CACNA1D: variants seen among roughly 807,000 people sequenced by gnomAD.
CACNA1D encodes calcium voltage-gated channel subunit alpha1 D.
A neutral mutation model predicts 257.1 loss-of-function variants in CACNA1D; 55 were observed. The ratio of observed to expected loss-of-function variants is 0.21; its 90% CI spans 0.17 to 0.27. The LOEUF is 0.27. Ranked by LOEUF, CACNA1D falls within the 10% of genes least tolerant of loss-of-function variation. CACNA1D has a pLI of 1.00. For missense variants in CACNA1D, 1,876 were observed against 2,784.0 expected (o/e 0.67, Z 7.34); for synonymous variants, 980 against 1,014.9 (o/e 0.97, Z 0.65).
intron 3 of CACNA1D, among the ~76,000 whole-genome samples, chr3:53,587,478 G>C (rs1172756597): frequency 6.6e-6 from 1 of 152,122 alleles, no homozygotes; most frequent in Non-Finnish European, 1.5e-5. Context: ...CAGGAGCATG[G>C]ACTCATTTTG....
chr3:53,768,170 G>A (rs973553008), intron 30 of CACNA1D, among the ~76,000 whole-genome samples: 10 of 152,252 alleles, frequency 6.6e-5, no homozygotes, highest in African/African-American at 1.4e-4. Flanking sequence ...AAGCAGAATA[G>A]GGAGAGGCCC....
chr3:53,813,662 A>G lies in CACNA1D; in HGVS notation c.*2256A>G, dbSNP rs1201370922. The G allele has an allele frequency of 1.3e-5, 2 of 152,268 alleles. No individual in the cohort carries two copies. The highest frequency in any genetic ancestry group is 1.9e-4 in the East Asian group (1 of 5,178). The allele number at this position is 152,268 out of a possible 1,614,324, so 9.4% of individuals were successfully genotyped here. A position where few individuals can be genotyped will look rare whatever the true frequency, so the allele number is the denominator to read the frequency against. The stretch of plus-strand genomic sequence containing the variant: ...AACTGGCATTCTTACAGGCTGCACC[A>G]TTTCCTAGTATGTCTGCTTTAAGCC... On this transcript the variant is annotated 3_prime_UTR_variant, in exon 48 of 48. Transcript: ENST00000350061.
Position 53,770,434 on chromosome 3 carries a change from A to G in CACNA1D, c.3926A>G (p.Glu1309Gly). 6.2e-7 allele frequency: 1 copy of G among 1,613,664 alleles called. No individual in the cohort carries two copies. Among genetic ancestry groups the G allele is most frequent in the Non-Finnish European group, 8.5e-7 (1 of 1,179,534 alleles). The change falls in exon 32 of 48, where the codon GAG becomes GGG. Residue 1309 changes from glutamate (E) to glycine (G), a missense_variant. Glu to Gly is a moderately conservative substitution (Grantham distance 98, BLOSUM62 -2). Transcript: ENST00000350061. The stretch of plus-strand genomic sequence containing the variant: ...ATGATAACCCTTCAGAACTCTGAAG[A>G]GAGCAATAGAATCTCCATCACCTTT... The part of the protein sequence containing the change: ...VPTATPGNSE[E>G]SNRISITFFR...
chr3:53,746,463 G>A (rs2095170056), intron 25 of CACNA1D, among the ~76,000 whole-genome samples: 1 of 152,290 alleles, frequency 6.6e-6, no homozygotes, highest in Admixed American at 6.5e-5. Flanking sequence ...TGACCATGAA[G>A]GCAGTCATGG....
At chr3:53,581,142 G>A (rs2093125379) in intron 3 of CACNA1D, among the ~76,000 whole-genome samples, 1 of 152,202 alleles carries the variant, frequency 6.6e-6, no homozygotes, top group African/African-American at 2.4e-5. Flanking sequence ...GATGTGCAGC[G>A]CTTGTCAAAG....
chr3:53,569,621 T>A (rs2092909197), intron 3 of CACNA1D, among the ~76,000 whole-genome samples: 2 of 152,236 alleles, frequency 1.3e-5, no homozygotes, highest in Admixed American at 1.3e-4. Flanking sequence ...AGAGATGGTC[T>A]TTGTCTTGGA....
chr3:53,507,089 A>AAAAAAAAAAAAAAG (rs1559764209), intron 3 of CACNA1D, among the ~76,000 whole-genome samples: 1 of 150,276 alleles, frequency 6.7e-6, no homozygotes, highest in African/African-American at 2.4e-5. Flanking sequence ...AAAAAAAAAA[A>AAAAAAAAAAAAAAG]AAAACAAAAA....
chr3:53,501,465 A>G, intron 2 of CACNA1D, 150 bp from the exon 3 acceptor site: 1 of 628,908 alleles, frequency 1.6e-6, no homozygotes, highest in East Asian at 2.8e-5. Context: ...CTTCTGCCGA[A>G]AACCTAGCAG....
chr3:53,719,827 T>A, intron 11 of CACNA1D, 46 bp downstream of exon 11: 1 of 1,570,116 alleles, frequency 6.4e-7, no homozygotes, highest in East Asian at 2.2e-5. Context: ...GTGTTGCCTT[T>A]GTATGTTCTC....
chr3:53,685,868 T>C (rs2094469726), intron 8 of CACNA1D, among the ~76,000 whole-genome samples: 1 of 151,742 alleles, frequency 6.6e-6, no homozygotes, highest in Non-Finnish European at 1.5e-5. Flanking sequence ...CATCTACTAA[T>C]CTAGAAAAAG....
intron 3 of CACNA1D, among the ~76,000 whole-genome samples, chr3:53,522,496 G>T (rs1206555938): frequency 6.6e-6 from 1 of 152,208 alleles, no homozygotes; most frequent in Non-Finnish European, 1.5e-5. Context: ...TCAGCCAATA[G>T]GTGTGACTTG....
rs2094903778 is a variant in CACNA1D at position 53,723,671 on chromosome 3, T to C, written c.1892+12T>C. 1.2e-6 allele frequency: 2 copies of C among 1,610,618 alleles called. No homozygotes were observed. Among genetic ancestry groups the C allele is most frequent in the Non-Finnish European group, 8.5e-7 (1 of 1,176,868 alleles). On this transcript the variant is annotated intron_variant, in intron 13 of 47. Coordinates refer to ENST00000350061, the MANE Select transcript of CACNA1D (RefSeq NM_001128840.3). This position sits in a 1 kb window ranked among gnomAD's most constrained non-coding sequence, Gnocchi z 5.6. Reference sequence around the variant, plus strand: ...TTCAAAGTGACCAGGTAAGGAAATGTGGGTCCCACTGCAAATGTTTTATGA... The same window carrying C: ...TTCAAAGTGACCAGGTAAGGAAATGCGGGTCCCACTGCAAATGTTTTATGA...
At chr3:53,770,227 G>T (rs1353127343) in intron 31 of CACNA1D, among the ~76,000 whole-genome samples, 197 bp from the exon 32 acceptor site, 1 of 152,230 alleles carries the variant, frequency 6.6e-6, no homozygotes, top group African/African-American at 2.4e-5. Context: ...TGCATGTGCT[G>T]TGTGGACGCA....
At chr3:53,738,397 C>G (rs1488103023) in intron 20 of CACNA1D, among the ~76,000 whole-genome samples, 2 of 152,126 alleles carry the variant, frequency 1.3e-5, no homozygotes, top group Non-Finnish European at 2.9e-5. Context: ...TTTGTCCTCA[C>G]AGATTAGGGT....
chr3:53,808,976 C>A, intron 46 of CACNA1D: 1 of 603,746 alleles, frequency 1.7e-6, no homozygotes, highest in Non-Finnish European at 2.9e-6. Context: ...TGACTGCTGG[C>A]ATTTGAATCC....
intron 3 of CACNA1D, among the ~76,000 whole-genome samples, chr3:53,645,330 CAT>C (rs2094007379): frequency 6.6e-6 from 1 of 152,102 alleles, no homozygotes; most frequent in South Asian, 2.1e-4. Flanking sequence ...GATGCCATCC[CAT>C]ATGTTTATTT....
rs571251773 is a variant in CACNA1D at position 53,559,129 on chromosome 3, T to C, written c.483+57409T>C. Among the ~76,000 whole-genome samples, 3 of 152,320 alleles carry C rather than the reference T, an allele frequency of 2.0e-5. No individual in the cohort carries two copies. The South Asian group carries it at 6.2e-4, about 32-fold the overall frequency. ...ATCTAAATTCACATTCACTCACTAT[T>C]CCTGCTATTACCTCCAGTCTGCAAT... On this transcript the variant is annotated intron_variant, in intron 3 of 47. Coordinates refer to ENST00000350061, the MANE Select transcript of CACNA1D (RefSeq NM_001128840.3).
intron 3 of CACNA1D, among the ~76,000 whole-genome samples, chr3:53,612,808 G>A (rs2093597312): frequency 6.6e-6 from 1 of 152,184 alleles, no homozygotes; most frequent in Non-Finnish European, 1.5e-5. Context: ...CTTGGTTTGA[G>A]AGAAGGGAGC....
At chr3:53,637,441 GT>G (rs3836506) in intron 3 of CACNA1D, among the ~76,000 whole-genome samples, 65,698 of 150,234 alleles carry the variant, frequency 0.44, 14,405 homozygotes, top group South Asian at 0.55. Context: ...CTGCTCTAAG[GT>G]TTTTTTTTTG....
Sources: gnomAD v4.1 joint callset for allele counts (sites outside exome capture counted in the v4.1 genomes callset) on GRCh38, gnomAD v4.1.1 for gene constraint, Gnocchi (gnomAD v3.1) non-coding constraint, MANE v1.5 for transcripts, NCBI Gene and HGNC (gene_info 2026-07-23, HGNC 2026-07-21) for gene names.